Variants in RBM19 observed in about 807,000 individuals in gnomAD.
RBM19 encodes the protein RNA binding motif protein 19.
Under a neutral mutation model 116.8 loss-of-function variants are expected in RBM19, and 94 were observed. The ratio of observed to expected loss-of-function variants is 0.80; its 90% confidence interval spans 0.68 to 0.95. RBM19 has a LOEUF of 0.95. RBM19 is among the 40% of genes least tolerant of loss of function. The pLI, the probability that RBM19 is intolerant of heterozygous loss-of-function variation, is 0.00. For synonymous variants in RBM19, 475 were observed against 494.1 expected, an observed-to-expected ratio of 0.96 and a Z score of 0.51; for missense variants, 1,161 against 1,220.7, an observed-to-expected ratio of 0.95 and a Z score of 0.73.
intron 2 of RBM19, among the ~76,000 whole-genome samples, chr12:113,960,979 G>T (rs550025010): frequency 2.4e-4 from 36 of 152,284 alleles, no homozygotes; most frequent in African/African-American, 8.4e-4. Context: ...TAAGGCTGAC[G>T]CTGGTCAACC....
At chr12:113,877,439 CCTGAGTGTGGGG>C (rs1879751866) in intron 21 of RBM19, among the ~76,000 whole-genome samples, 1 of 152,158 alleles carries the variant, frequency 6.6e-6, no homozygotes, top group Admixed American at 6.6e-5. Flanking sequence ...TGAGCAGAGG[CCTGAGTGTGGGG>C]CTGCAGCTGT....
At chr12:113,882,515 T>C (rs1242404912) in intron 21 of RBM19, among the ~76,000 whole-genome samples, 1 of 152,198 alleles carries the variant, frequency 6.6e-6, no homozygotes, top group Admixed American at 6.5e-5. Flanking sequence ...TCTAGGCTCA[T>C]AGTAAAAGGA....
intron 16 of RBM19, among the ~76,000 whole-genome samples, chr12:113,935,294 C>A (rs1310660411): frequency 6.6e-6 from 1 of 151,410 alleles, no homozygotes; most frequent in Admixed American, 6.6e-5. Context: ...CAAAGGAGAA[C>A]TCGCTTTGGG....
chr12:113,918,242 A>G, intron 20 of RBM19, 150 bp downstream of exon 20: 1 of 755,282 alleles, frequency 1.3e-6, no homozygotes, highest in South Asian at 1.6e-5. Flanking sequence ...TGCCAACATA[A>G]TTAGGCATCT....
At chr12:113,869,886 G>A (rs968432501) in intron 21 of RBM19, among the ~76,000 whole-genome samples, 1 of 152,222 alleles carries the variant, frequency 6.6e-6, no homozygotes, top group African/African-American at 2.4e-5. Flanking sequence ...CAGCTGTGGT[G>A]AACATTGTGC....
intron 23 of RBM19, among the ~76,000 whole-genome samples, chr12:113,823,525 G>T (rs144674083): frequency 1.1e-4 from 17 of 152,088 alleles, no homozygotes; most frequent in African/African-American, 4.1e-4. Context: ...GGTGGAGAGA[G>T]GATGGGGCAA....
intron 21 of RBM19, among the ~76,000 whole-genome samples, chr12:113,881,270 G>A (rs776314036): frequency 2.6e-5 from 4 of 152,222 alleles, no homozygotes; most frequent in Non-Finnish European, 5.9e-5. Flanking sequence ...TAGCCTCAGA[G>A]CTCTGGCTCC....
At chr12:113,882,136 C>G (rs942356969) in intron 21 of RBM19, among the ~76,000 whole-genome samples, 1 of 152,230 alleles carries the variant, frequency 6.6e-6, no homozygotes, top group African/African-American at 2.4e-5. Context: ...GCTCTGGCAG[C>G]TGGGCTGAGG....
Position 113,955,128 on chromosome 12 carries a change from T to C in RBM19, c.921+3A>G. Reference sequence around the variant, plus strand: ...CCGACCCTTGTCCTCAGTTAGCACATACCTCTGTGACATTGAACGGGGCTC... The same window carrying C: ...CCGACCCTTGTCCTCAGTTAGCACACACCTCTGTGACATTGAACGGGGCTC... On this transcript the variant is annotated splice_donor_region_variant and intron_variant, in intron 7 of 23. Coordinates refer to ENST00000261741, the MANE Select transcript of RBM19 (RefSeq NM_016196.4). 6.2e-7 allele frequency: 1 copy of C among 1,613,944 alleles called. No individual in the cohort carries two copies. Among genetic ancestry groups the C allele is most frequent in the Non-Finnish European group, 8.5e-7 (1 of 1,179,942 alleles).
intron 21 of RBM19, among the ~76,000 whole-genome samples, chr12:113,905,722 AAG>A (rs1881999244): frequency 6.6e-6 from 1 of 152,246 alleles, no homozygotes; most frequent in Non-Finnish European, 1.5e-5. Context: ...GTTAAATAAA[AAG>A]TAATTAGAAA....
rs529381291 is a variant in RBM19, at chr12:113,888,891, T to C, written c.2558+26078A>G. Among the ~76,000 whole-genome samples, 18 of 152,294 alleles carry C rather than the reference T, an allele frequency of 1.2e-4. 1 individual carries two copies. The South Asian group carries it at 3.7e-3, about 32-fold the overall frequency. On this transcript the variant is annotated intron_variant, in intron 21 of 23. Coordinates refer to ENST00000261741, the MANE Select transcript of RBM19 (RefSeq NM_016196.4). ...CAGCACTAGAAAAATAAAATATAGA[T>C]AGAAATAAAGGCAGTGGTTCTTAAC... is the stretch of plus-strand genomic sequence containing the variant.
intron 21 of RBM19, among the ~76,000 whole-genome samples, chr12:113,887,562 G>A (rs111764597): frequency 0.35 from 495 of 1,430 alleles, 6 homozygotes; most frequent in African/African-American, 0.4. Flanking sequence ...GCTTAAACCC[G>A]GGAGTGAGGT....
At chr12:113,880,863 G>A (rs1880064701) in intron 21 of RBM19, among the ~76,000 whole-genome samples, 1 of 152,146 alleles carries the variant, frequency 6.6e-6, no homozygotes, top group Non-Finnish European at 1.5e-5. Context: ...CCTCTCATGT[G>A]CTCAATAACT....
At chr12:113,850,440 T>C (rs1877359876) in intron 22 of RBM19, among the ~76,000 whole-genome samples, 1 of 152,258 alleles carries the variant, frequency 6.6e-6, no homozygotes, top group South Asian at 2.1e-4. Flanking sequence ...TCAAGAGGCC[T>C]GGCCTCCTGC....
At chr12:113,948,798 C>T (rs1205913168) in intron 10 of RBM19, 35 bp downstream of exon 10, 1 of 1,609,052 alleles carries the variant, frequency 6.2e-7, no homozygotes, top group South Asian at 1.1e-5. Context: ...CCCATAGCCG[C>T]TGGGCTATCC....
At chr12:113,938,998 C>T (rs543430425) in intron 15 of RBM19, among the ~76,000 whole-genome samples, 2 of 152,348 alleles carry the variant, frequency 1.3e-5, no homozygotes, top group East Asian at 3.9e-4. Flanking sequence ...AACTAATACA[C>T]AACTGTTGGC....
intron 23 of RBM19, among the ~76,000 whole-genome samples, chr12:113,829,390 C>CGG (rs1875169295): frequency 1.3e-5 from 2 of 152,226 alleles, no homozygotes; most frequent in Non-Finnish European, 2.9e-5. Flanking sequence ...CTGGCCTCTG[C>CGG]CACTGTGGGA....
Position 113,948,890 on chromosome 12 carries a change from GTACAAA to G in RBM19, c.1213_1218del (p.Phe405_Val406del). 2.5e-6 allele frequency: 4 copies of G among 1,614,202 alleles called. No individual in the cohort carries two copies. The highest frequency in any genetic ancestry group is 3.4e-6 in the Non-Finnish European group (4 of 1,180,032). ...TCGGTGCTGGTGTAGGGCAGGTTCC[GTACAAA>G]GAGCCTTCCGGATTCGGCCAGGTCC... On this transcript the variant is annotated inframe_deletion, in exon 10 of 24. Transcript: ENST00000261741.
chr12:113,948,802 G>A (rs1242886991), intron 10 of RBM19, 31 bp downstream of exon 10: 3 of 1,610,752 alleles, frequency 1.9e-6, no homozygotes, highest in Non-Finnish European at 2.5e-6. Flanking sequence ...TAGCCGCTGG[G>A]CTATCCACGG....
Sources: gnomAD v4.1 joint callset for allele counts (sites outside exome capture counted in the v4.1 genomes callset) on GRCh38, gnomAD v4.1.1 for gene constraint, MANE v1.5 for transcripts, NCBI Gene and HGNC (gene_info 2026-07-23, HGNC 2026-07-21) for gene names.